Variants in NOL4 observed in about 807,000 individuals in gnomAD.
The protein encoded by NOL4 is cancer/testis antigen 125.
A neutral mutation model predicts 75.9 loss-of-function variants in NOL4; 17 were observed. That is an observed-to-expected ratio of 0.22 (90% CI 0.15 to 0.34). The LOEUF is 0.34. Among genes scored for constraint, NOL4 ranks in the 10% least tolerant of loss-of-function variants. The probability of loss-of-function intolerance (pLI) is 1.00; values close to 1 mark genes in which losing one functional copy is unlikely to be tolerated. For missense variants in NOL4, 614 were observed against 793.5 expected, an observed-to-expected ratio of 0.77 and a Z score of 2.72; for synonymous variants, 292 against 289.9, an observed-to-expected ratio of 1.01 and a Z score of -0.07.
chr18:34,084,112 G>C (rs2078135964), intron 5 of NOL4, among the ~76,000 whole-genome samples: 1 of 152,190 alleles, frequency 6.6e-6, no homozygotes, highest in Non-Finnish European at 1.5e-5. Flanking sequence ...GGTGTCTGGA[G>C]AGTCCTGTTG....
intron 5 of NOL4, among the ~76,000 whole-genome samples, chr18:34,028,119 A>G (rs1322822198): frequency 6.6e-6 from 1 of 152,226 alleles, no homozygotes; most frequent in African/African-American, 2.4e-5. Context: ...CAATGTGATT[A>G]CTACTAATTA....
At position 33,853,021 on chromosome 18, in the gene NOL4, T is replaced by C; in HGVS notation, c.1738A>G (p.Ser580Gly). Residue 580 changes from serine to glycine, a missense_variant, in exon 11 of 11, where the codon AGC becomes GGC. Coordinates refer to ENST00000261592, the MANE Select transcript of NOL4 (RefSeq NM_003787.5). ...CTAGTCGCCAATTGTCTCTTCATGC[T>C]GAGATCAGTGGGTCCTAGAAAGAAA... Reference protein sequence around the residue: ...DASSSGPTDLSMKRQLATSSG... With the variant: ...DASSSGPTDLGMKRQLATSSG... 1 of 1,611,650 alleles carries C rather than the reference T, an allele frequency of 6.2e-7. No homozygotes were observed. The highest frequency in any genetic ancestry group is 1.1e-5 in the South Asian group (1 of 90,802).
At chr18:34,046,097 G>C (rs2076351733) in intron 5 of NOL4, among the ~76,000 whole-genome samples, 1 of 151,988 alleles carries the variant, frequency 6.6e-6, no homozygotes, top group Non-Finnish European at 1.5e-5. Context: ...GCCCTTTTCT[G>C]TACTCTGGTT....
chr18:34,085,908 T>G (rs1470801967), intron 5 of NOL4, among the ~76,000 whole-genome samples: 1 of 152,098 alleles, frequency 6.6e-6, no homozygotes, highest in African/African-American at 2.4e-5. Context: ...AATAACAATA[T>G]TATGAATGGA....
chr18:34,206,577 T>C (rs755176543), intron 1 of NOL4, among the ~76,000 whole-genome samples: 1 of 152,194 alleles, frequency 6.6e-6, no homozygotes, highest in African/African-American at 2.4e-5. Context: ...GTGGGCTTCA[T>C]GGTTTCTGAC....
At chr18:33,903,365 T>C (rs1214761440) in intron 9 of NOL4, among the ~76,000 whole-genome samples, 1 of 152,120 alleles carries the variant, frequency 6.6e-6, no homozygotes, top group African/African-American at 2.4e-5. Flanking sequence ...TCCCTTGACA[T>C]ATGGGGATTA....
chr18:33,963,006 T>C (rs1180439690), intron 6 of NOL4, among the ~76,000 whole-genome samples: 2 of 152,208 alleles, frequency 1.3e-5, no homozygotes, highest in Non-Finnish European at 2.9e-5. Context: ...TTTTTATAAC[T>C]GAATTCTGCT....
intron 1 of NOL4, among the ~76,000 whole-genome samples, chr18:34,199,301 G>A (rs776657426): frequency 6.6e-6 from 1 of 151,672 alleles, no homozygotes; most frequent in Non-Finnish European, 1.5e-5. Flanking sequence ...CCTATGGACA[G>A]CTGTTAAAGT....
intron 9 of NOL4, among the ~76,000 whole-genome samples, chr18:33,892,328 G>T (rs2065142283): frequency 6.6e-6 from 1 of 152,088 alleles, no homozygotes; most frequent in Admixed American, 6.6e-5. Context: ...CTACTCAGGA[G>T]GCTGAGATGG....
At chr18:33,942,358 C>T (rs1341790479) in intron 9 of NOL4, among the ~76,000 whole-genome samples, 1 of 151,474 alleles carries the variant, frequency 6.6e-6, no homozygotes, top group Admixed American at 6.6e-5. Context: ...GGGGTACATA[C>T]AACAAAGAGA....
At chr18:33,869,195 T>A (rs1599684094) in intron 10 of NOL4, among the ~76,000 whole-genome samples, 1 of 152,002 alleles carries the variant, frequency 6.6e-6, no homozygotes, top group Non-Finnish European at 1.5e-5. Context: ...ACTATAAATA[T>A]AAGTTCATAT....
chr18:34,192,876 A>G (rs1041094326), intron 1 of NOL4, among the ~76,000 whole-genome samples: 4 of 152,190 alleles, frequency 2.6e-5, no homozygotes, highest in Non-Finnish European at 4.4e-5. Context: ...TATAAGAAGC[A>G]AGTTAGGCCC....
At chr18:34,068,341 G>A (rs936335153) in intron 5 of NOL4, among the ~76,000 whole-genome samples, 1 of 152,060 alleles carries the variant, frequency 6.6e-6, no homozygotes, top group African/African-American at 2.4e-5. Context: ...AACAGCAGCA[G>A]TGAAGGAGGA....
chr18:34,100,496 G>T (rs542175144), intron 4 of NOL4, among the ~76,000 whole-genome samples: 86 of 152,202 alleles, frequency 5.7e-4, no homozygotes, highest in Non-Finnish European at 9.3e-4. Context: ...TTAATTTTCA[G>T]ACTTCAGTAT....
chr18:33,932,274 T>C (rs1169799229), intron 9 of NOL4, among the ~76,000 whole-genome samples: 2 of 152,098 alleles, frequency 1.3e-5, no homozygotes, highest in Admixed American at 6.6e-5. Context: ...GCACTTCAGG[T>C]CTTAAGGTAG....
intron 5 of NOL4, among the ~76,000 whole-genome samples, chr18:34,031,135 A>C (rs1458732395): frequency 1.3e-5 from 2 of 152,150 alleles, no homozygotes; most frequent in Non-Finnish European, 2.9e-5. Context: ...TAACAAAATC[A>C]CTGGAGAATT....
At chr18:34,090,709 A>G (rs1001527197) in intron 5 of NOL4, among the ~76,000 whole-genome samples, 28 of 152,206 alleles carry the variant, frequency 1.8e-4, no homozygotes, top group African/African-American at 6.7e-4. Flanking sequence ...GGAGATGAGG[A>G]CTAAGGGTTG....
chr18:34,156,606 T>C (rs1475288763), intron 1 of NOL4: 2 of 152,218 alleles, frequency 1.3e-5, no homozygotes, highest in African/African-American at 4.8e-5. Context: ...CACACAATAG[T>C]GAGTGATAAA....
intron 9 of NOL4, among the ~76,000 whole-genome samples, chr18:33,889,716 T>C (rs141726026): frequency 0.017 from 2,575 of 152,278 alleles, 65 homozygotes; most frequent in African/African-American, 0.058. Flanking sequence ...ATCCCTGGGA[T>C]GCAAGGCTGG....
Sources: gnomAD v4.1 joint callset for allele counts (sites outside exome capture counted in the v4.1 genomes callset) on GRCh38, gnomAD v4.1.1 for gene constraint, MANE v1.5 for transcripts, NCBI Gene and HGNC (gene_info 2026-07-23, HGNC 2026-07-21) for gene names.